The following PGM1 variants were observed in gnomAD, a reference collection of about 807,000 sequenced individuals.
PGM1 encodes phosphoglucomutase 1.
PGM1 carries 52 observed loss-of-function variants against 55.6 expected under a neutral mutation model. That is an observed-to-expected ratio of 0.94 (90% CI 0.75 to 1.18). PGM1 has a LOEUF of 1.18. Among genes scored for constraint, PGM1 ranks in the 50% most tolerant of loss-of-function variants. The pLI, the probability that PGM1 is intolerant of heterozygous loss-of-function variation, is 0.00. For missense variants in PGM1, 724 were observed against 729.3 expected (o/e 0.99, Z 0.08); for synonymous variants, 287 against 271.7 (o/e 1.06, Z -0.55).
intron 7 of PGM1, among the ~76,000 whole-genome samples, chr1:63,641,223 A>G (rs987303989): frequency 1.3e-5 from 2 of 152,222 alleles, no homozygotes; most frequent in African/African-American, 2.4e-5. Context: ...TCTCCTTGGT[A>G]TATTTCATGT....
At chr1:63,633,955 T>TTTA (rs1649292425) in intron 4 of PGM1, among the ~76,000 whole-genome samples, 1 of 133,294 alleles carries the variant, frequency 7.5e-6, no homozygotes, top group African/African-American at 2.8e-5. Context: ...TTTTTTTTTT[T>TTTA]TTTTTTAGTA....
intron 1 of PGM1, among the ~76,000 whole-genome samples, chr1:63,611,124 C>T (rs191800723): frequency 3.9e-5 from 6 of 152,208 alleles, no homozygotes; most frequent in Admixed American, 1.3e-4. Context: ...AAACGGTCTC[C>T]GCAAGTGGGC....
chr1:63,630,381 T>C (rs374156764), intron 3 of PGM1, among the ~76,000 whole-genome samples: 2 of 152,208 alleles, frequency 1.3e-5, no homozygotes, highest in South Asian at 2.1e-4. Context: ...CATTCATAGT[T>C]AACTTTTATT....
chr1:63,652,962 A>C (rs1471164488), intron 9 of PGM1, among the ~76,000 whole-genome samples: 1 of 152,094 alleles, frequency 6.6e-6, no homozygotes, highest in East Asian at 1.9e-4. Flanking sequence ...GGGTGTAGAA[A>C]AGGAGTGGAG....
At chr1:63,631,328 A>T (rs1300718600) in intron 3 of PGM1, among the ~76,000 whole-genome samples, 2 of 152,252 alleles carry the variant, frequency 1.3e-5, no homozygotes, top group South Asian at 2.1e-4. Context: ...GTGGTGGCAT[A>T]GCAGAATTTA....
chr1:63,640,328 G>A (rs1207310954), intron 7 of PGM1, among the ~76,000 whole-genome samples: 1 of 152,164 alleles, frequency 6.6e-6, no homozygotes, highest in Non-Finnish European at 1.5e-5. Flanking sequence ...GTATGTGGAA[G>A]AATACTAGTT....
chr1:63,627,104 C>T (rs916029453), intron 1 of PGM1, among the ~76,000 whole-genome samples: 1 of 138,324 alleles, frequency 7.2e-6, no homozygotes, highest in African/African-American at 2.6e-5. Flanking sequence ...TAATATTCCA[C>T]TGTATGTATA....
intron 5 of PGM1, among the ~76,000 whole-genome samples, chr1:63,635,799 A>G (rs748623108): frequency 2.0e-5 from 3 of 152,212 alleles, no homozygotes; most frequent in African/African-American, 4.8e-5. Context: ...CCACCCTCCC[A>G]GTTACTGTGG....
chr1:63,611,185 G>T (rs1040365068), intron 1 of PGM1, among the ~76,000 whole-genome samples: 1 of 152,110 alleles, frequency 6.6e-6, no homozygotes, highest in African/African-American at 2.4e-5. Flanking sequence ...GGGGGCCCTA[G>T]GGAGGGGAAC....
chr1:63,656,196 C>G (rs919056600), intron 10 of PGM1: 1 of 152,180 alleles, frequency 6.6e-6, no homozygotes, highest in African/African-American at 2.4e-5. Context: ...CATCACTAAT[C>G]ATCAGGGAAA....
rs1407964553 is a variant in PGM1 at position 63,648,631 on chromosome 1, A to T, written c.1259A>T (p.Tyr420Phe). Residue 420 changes from tyrosine to phenylalanine, a missense_variant, in exon 8 of 11, where the codon TAT (tyrosine) becomes TTT (phenylalanine). By Grantham distance (22) the Tyr-to-Phe change is conservative. Coordinates refer to ENST00000371084, the MANE Select transcript of PGM1 (RefSeq NM_002633.3). ...ATTCTCAAAGATCATTGGCAAAAGT[A>T]TGGCCGGAATTTCTTCACCAGGTGA... ...EDILKDHWQK[Y>F]GRNFFTRYDY... 1.2e-6 allele frequency: 2 copies of T among 1,614,092 alleles called. No homozygotes were observed. Among genetic ancestry groups the T allele is most frequent in the Admixed American group, 3.3e-5 (2 of 60,022 alleles).
intron 7 of PGM1, among the ~76,000 whole-genome samples, chr1:63,642,046 G>A (rs576854339): frequency 7.9e-5 from 12 of 152,236 alleles, no homozygotes; most frequent in Admixed American, 2.0e-4. Flanking sequence ...ACCTCTTGCC[G>A]TAGTCTGGGA....
intron 1 of PGM1, among the ~76,000 whole-genome samples, chr1:63,595,575 A>C (rs1008001909): frequency 2.0e-5 from 3 of 150,872 alleles, no homozygotes; most frequent in Non-Finnish European, 2.9e-5. Context: ...CCCATGAAAG[A>C]AGAACAGACA....
intron 9 of PGM1, 26 bp from the exon 10 acceptor site, chr1:63,654,304 GAA>G: frequency 6.2e-7 from 1 of 1,612,710 alleles, no homozygotes; most frequent in Non-Finnish European, 8.5e-7. Context: ...AGCATTTGGG[GAA>G]AAAAATCTCT....
chr1:63,647,259 CATATATATATATATATATATATAT>C (rs55760196), intron 7 of PGM1, among the ~76,000 whole-genome samples: 2,825 of 55,400 alleles, frequency 0.051, 199 homozygotes, highest in East Asian at 0.056. Flanking sequence ...TAAAATTTTA[CATATATATATATATATATATATAT>C]ATATATATAT....
chr1:63,645,127 CAG>C (rs1649616533), intron 7 of PGM1, among the ~76,000 whole-genome samples: 1 of 152,092 alleles, frequency 6.6e-6, no homozygotes, highest in Non-Finnish European at 1.5e-5. Flanking sequence ...AGTGATGAAC[CAG>C]AATATCCAAA....
Position 63,636,236 on chromosome 1 carries a change from T to A in PGM1, c.876T>A (p.Asp292Glu). ...TTTGATCCTCTCTTCTCCCCAAGGA[T>A]CGAAACATGATTCTGGGCAAGCATG... is the stretch of plus-strand genomic sequence containing the variant. ...DFGAAFDGDG[D>E]RNMILGKHGF... Residue 292 changes from aspartate to glutamate, a missense_variant and splice_region_variant, in exon 6 of 11, where the codon GAT becomes GAA. By Grantham distance (45) the Asp-to-Glu change is conservative. Around this residue, in one of 3 missense-constraint regions of PGM1, gnomAD observed 29 missense variants for 58.7 expected, o/e 0.49. Coordinates refer to ENST00000371084, the MANE Select transcript of PGM1 (RefSeq NM_002633.3). 6.2e-7 allele frequency: 1 copy of A among 1,614,082 alleles called. No homozygotes were observed. The highest frequency in any genetic ancestry group is 8.5e-7 in the Non-Finnish European group (1 of 1,179,896).
In PGM1 at chr1:63,596,254, CTTTTTTTTTTTT is replaced by C. The variant is rs531673796; in HGVS notation, c.246+2531_246+2542del. ...CTTTCTTTCTTTCTTTTTTCTTCTT[CTTTTTTTTTTTT>C]TTTTTTTTTTGAGACGGAGTCTTAC... On this transcript the variant is annotated intron_variant, in intron 1 of 10. Coordinates refer to ENST00000371084, the MANE Select transcript of PGM1 (RefSeq NM_002633.3). 6.3e-5 allele frequency among the ~76,000 whole-genome samples: 7 copies of C among 111,324 alleles called. No individual in the cohort carries two copies. In the East Asian group the frequency reaches 1.8e-3, roughly 29 times the overall value. 73.0% of individuals were successfully genotyped at this position (111,324 alleles called of 152,430 possible). A position where few individuals can be genotyped will look rare whatever the true frequency, so the allele number is the denominator to read the frequency against.
intron 8 of PGM1, among the ~76,000 whole-genome samples, 179 bp downstream of exon 8, chr1:63,648,831 C>T (rs987975974): frequency 2.6e-5 from 4 of 152,170 alleles, no homozygotes; most frequent in Admixed American, 2.0e-4. Flanking sequence ...ATTTTTATGT[C>T]AGCCATAAAG....
Sources: allele counts gnomAD v4.1 joint callset (sites outside exome capture counted in the v4.1 genomes callset), GRCh38; gene constraint gnomAD v4.1.1; regional missense constraint gnomAD v4.1.1; transcripts MANE v1.5; gene names NCBI Gene and HGNC (gene_info 2026-07-23, HGNC 2026-07-21).